Variants in XKR3 observed in about 807,000 individuals in gnomAD.
XKR3 encodes the protein XK-related protein 3.
Under a neutral mutation model 40.3 loss-of-function variants are expected in XKR3, and 27 were observed. The observed-to-expected ratio is 0.67, with a 90% CI of 0.49 to 0.92. The LOEUF (loss-of-function observed/expected upper bound fraction) is 0.92. Among genes scored for constraint, XKR3 ranks in the 40% least tolerant of loss-of-function variants. The pLI, the probability that XKR3 is intolerant of heterozygous loss-of-function variation, is 0.00. For synonymous variants in XKR3, 193 were observed against 195.4 expected, an observed-to-expected ratio of 0.99 and a Z score of 0.10; for missense variants, 472 against 537.6, an observed-to-expected ratio of 0.88 and a Z score of 1.21.
At chr22:16,788,702 A>T (rs750437500) in intron 3 of XKR3, among the ~76,000 whole-genome samples, 1 of 152,160 alleles carries the variant, frequency 6.6e-6, no homozygotes, top group Non-Finnish European at 1.5e-5. Flanking sequence ...AGAAAACTAC[A>T]GGCTAATATA....
At chr22:16,810,558 T>G (rs1233363364) in intron 1 of XKR3, among the ~76,000 whole-genome samples, 1 of 152,180 alleles carries the variant, frequency 6.6e-6, no homozygotes. Flanking sequence ...TTACCTCTTA[T>G]ATTATGTGAG....
rs770398551 is a variant in XKR3 at position 16,783,946 on chromosome 22, C to T, written c.1053G>A (p.Gln351=). ...ATATCATTATCACATTTTCTAAAAA[C>T]TGAAAGCTGTAGTGTAGGATTCTAT... ...WGHRILHYSF[Q]FLENVIMILV... is the part of the protein sequence containing the mutation. Residue 351 remains glutamine, a synonymous_variant, in exon 4 of 4, where the codon CAG becomes CAA. Coordinates refer to ENST00000684488, the MANE Select transcript of XKR3 (RefSeq NM_001386955.1). The T allele has an allele frequency of 1.9e-6, 3 of 1,614,192 alleles. No homozygotes were observed. Among genetic ancestry groups the T allele is most frequent in the Non-Finnish European group, 2.5e-6 (3 of 1,180,038 alleles).
At chr22:16,791,986 G>A (rs2060121886) in intron 3 of XKR3, among the ~76,000 whole-genome samples, 1 of 151,876 alleles carries the variant, frequency 6.6e-6, no homozygotes, top group African/African-American at 2.4e-5. Flanking sequence ...TTGTTCCCCA[G>A]GCTGGAGTGC....
intron 2 of XKR3, among the ~76,000 whole-genome samples, chr22:16,802,362 TAGCTTCAAAA>T (rs569075655): frequency 5.9e-5 from 9 of 152,256 alleles, no homozygotes; most frequent in African/African-American, 1.9e-4. Context: ...TGAATTGTCT[TAGCTTCAAAA>T]AGGAAAAAGA....
chr22:16,809,593 T>C (rs2060204424), intron 1 of XKR3, among the ~76,000 whole-genome samples: 1 of 152,226 alleles, frequency 6.6e-6, no homozygotes, highest in Non-Finnish European at 1.5e-5. Context: ...AATTGCTAAA[T>C]GTAATATGTT....
chr22:16,798,363 A>G (rs1245229670), intron 3 of XKR3, among the ~76,000 whole-genome samples: 1 of 152,154 alleles, frequency 6.6e-6, no homozygotes, highest in Non-Finnish European at 1.5e-5. Context: ...ATGCTTACAC[A>G]CTGCTGATAG....
Position 16,783,961 on chromosome 22 carries a change from T to G in XKR3, c.1038A>C (p.Leu346=). 6.2e-7 allele frequency: 1 copy of G among 1,614,190 alleles called. No individual in the cohort carries two copies. Among genetic ancestry groups the G allele is most frequent in the South Asian group, 1.1e-5 (1 of 91,084 alleles). Residue 346 remains leucine (L), a synonymous_variant, in exon 4 of 4, where the codon CTA becomes CTC. Coordinates refer to ENST00000684488, the MANE Select transcript of XKR3 (RefSeq NM_001386955.1). ...TTTCTAAAAACTGAAAGCTGTAGTG[T>G]AGGATTCTATGGCCCCACCTCTGTC... ...DGRQRWGHRI[L]HYSFQFLENV... is the part of the protein sequence containing the mutation.
At chr22:16,803,544 G>A (rs1181083119) in intron 2 of XKR3, among the ~76,000 whole-genome samples, 1 of 152,174 alleles carries the variant, frequency 6.6e-6, no homozygotes, top group Non-Finnish European at 1.5e-5. Context: ...GCTGCCCTTA[G>A]AGAATACATG....
chr22:16,817,778 T>G (rs1357535508), intron 1 of XKR3, among the ~76,000 whole-genome samples: 1 of 152,126 alleles, frequency 6.6e-6, no homozygotes, highest in Non-Finnish European at 1.5e-5. Flanking sequence ...TATATTACAC[T>G]TTTAATCTTT....
intron 3 of XKR3, among the ~76,000 whole-genome samples, chr22:16,793,055 C>T (rs1245338724): frequency 6.6e-6 from 1 of 151,960 alleles, no homozygotes; most frequent in East Asian, 1.9e-4. Context: ...TCTTGTTTCC[C>T]AGGCTGGAGT....
chr22:16,822,869 T>C (rs2060262327), intron 1 of XKR3, among the ~76,000 whole-genome samples: 1 of 152,166 alleles, frequency 6.6e-6, no homozygotes. Context: ...CCTTTGCTTT[T>C]GGTTGTGGTG....
At chr22:16,824,924 G>A (rs986708454) in intron 1 of XKR3, among the ~76,000 whole-genome samples, 1 of 152,200 alleles carries the variant, frequency 6.6e-6, no homozygotes, top group Admixed American at 6.5e-5. Flanking sequence ...ATGTGTTTGT[G>A]ATTAAGTGAA....
intron 1 of XKR3, among the ~76,000 whole-genome samples, chr22:16,808,907 C>G (rs1245029891): frequency 6.6e-6 from 1 of 151,846 alleles, no homozygotes; most frequent in East Asian, 1.9e-4. Context: ...AAATATTTTT[C>G]TGACTAAAAA....
intron 1 of XKR3, among the ~76,000 whole-genome samples, chr22:16,824,264 G>A (rs1601854976): frequency 2.0e-5 from 3 of 152,086 alleles, no homozygotes; most frequent in Non-Finnish European, 2.9e-5. Flanking sequence ...AAGAAAATAC[G>A]GGAATCATGT....
chr22:16,811,519 G>A (rs1197339287), intron 1 of XKR3, among the ~76,000 whole-genome samples: 1 of 152,176 alleles, frequency 6.6e-6, no homozygotes, highest in Non-Finnish European at 1.5e-5. Context: ...AGCAAGAAAA[G>A]ATTAAGTAAT....
chr22:16,807,872 A>T lies in XKR3; in HGVS notation c.202T>A (p.Ser68Thr). The T allele has an allele frequency of 6.2e-7, 1 of 1,614,050 alleles. No individual in the cohort carries two copies. The highest frequency in any genetic ancestry group is 8.5e-7 in the Non-Finnish European group (1 of 1,179,932). ...ACAATAATAAAGCTGATGGTAAATG[A>T]CATCCAGAATGTGTCATTAGCTTTT... ...YRKANDTFWM[S>T]FTISFIIVGA... is the part of the protein sequence containing the mutation. The change falls in exon 2 of 4, where the codon TCA (serine) becomes ACA (threonine). Residue 68 changes from serine to threonine, a missense_variant. Ser to Thr is a moderately conservative substitution (Grantham distance 58). Transcript: ENST00000684488.
At chr22:16,804,342 C>T (rs1218795082) in intron 2 of XKR3, among the ~76,000 whole-genome samples, 1 of 152,140 alleles carries the variant, frequency 6.6e-6, no homozygotes, top group East Asian at 1.9e-4. Context: ...ACTTACTTTC[C>T]AGTCTGACTC....
chr22:16,801,969 T>C (rs990404344), intron 2 of XKR3, among the ~76,000 whole-genome samples: 2 of 152,276 alleles, frequency 1.3e-5, no homozygotes, highest in African/African-American at 4.8e-5. Context: ...GGAGACATTG[T>C]TAAAATTTAT....
chr22:16,810,189 C>T lies in XKR3; in HGVS notation c.-10-2106G>A, dbSNP rs190356936. ...TCCCATATTTATATCTCCAGCCAGT[C>T]TCTTACCAATGCCCCAAACTTATAG... On this transcript the variant is annotated intron_variant, in intron 1 of 3. Coordinates refer to ENST00000684488, the MANE Select transcript of XKR3 (RefSeq NM_001386955.1). 1.4e-4 allele frequency among the ~76,000 whole-genome samples: 21 copies of T among 152,320 alleles called. 2 individuals are homozygous for T. Among genetic ancestry groups the T allele is most frequent in the African/African-American group, 4.6e-4 (19 of 41,576 alleles).
Sources: gnomAD v4.1 joint callset for allele counts (sites outside exome capture counted in the v4.1 genomes callset) on GRCh38, gnomAD v4.1.1 for gene constraint, MANE v1.5 for transcripts, NCBI Gene and HGNC (gene_info 2026-07-23, HGNC 2026-07-21) for gene names.